Variants in SLC35G2 observed in about 807,000 individuals in gnomAD.
SLC35G2 encodes solute carrier family 35 member G2, also known as transmembrane protein 22.
Under a neutral mutation model 27.2 loss-of-function variants are expected in SLC35G2, and 20 were observed. The observed-to-expected ratio is 0.74, with a 90% CI of 0.52 to 1.07. The LOEUF (loss-of-function observed/expected upper bound fraction) is 1.07. SLC35G2 is among the 50% of genes least tolerant of loss of function. The pLI is 0.00. For missense variants in SLC35G2, 416 were observed against 493.3 expected (o/e 0.84, Z 1.48); for synonymous variants, 148 against 165.3 (o/e 0.90, Z 0.80).
In SLC35G2 at chr3:136,855,163, C is replaced by G. The variant is rs1381576701; in HGVS notation, c.703C>G (p.Leu235Val). 1 of 1,614,000 alleles carries G rather than the reference C, an allele frequency of 6.2e-7. No individual in the cohort carries two copies. The highest frequency in any genetic ancestry group is 8.5e-7 in the Non-Finnish European group (1 of 1,180,030). ...TVVCSILGVCLVMIPNIVDED... is the reference protein window; with the variant it reads ...TVVCSILGVCVVMIPNIVDED... The stretch of plus-strand genomic sequence containing the variant: ...TGTTTGCAGCATCTTAGGTGTTTGT[C>G]TTGTCATGATCCCAAACATTGTTGA... Residue 235 changes from leucine (L) to valine (V), a missense_variant, in exon 2 of 2, where the codon CTT (leucine) becomes GTT (valine). Transcript: ENST00000446465.
intron 1 of SLC35G2, among the ~76,000 whole-genome samples, chr3:136,844,412 C>T (rs1937260121): frequency 6.6e-6 from 1 of 151,278 alleles, no homozygotes; most frequent in Non-Finnish European, 1.5e-5. Context: ...TTGCTTGAAC[C>T]TGGGAGGCAG....
chr3:136,835,255 C>G (rs1211963100), intron 1 of SLC35G2, among the ~76,000 whole-genome samples: 1 of 150,840 alleles, frequency 6.6e-6, no homozygotes, highest in African/African-American at 2.4e-5. Context: ...GACATTTCCT[C>G]AATCCTTCCT....
At chr3:136,845,075 C>T (rs1937311890) in intron 1 of SLC35G2, among the ~76,000 whole-genome samples, 1 of 151,930 alleles carries the variant, frequency 6.6e-6, no homozygotes, top group Admixed American at 6.6e-5. Flanking sequence ...GAAATGTTTA[C>T]AATGTATTGT....
rs573621896 is a variant in SLC35G2 at position 136,849,964 on chromosome 3, A to G, written c.-18-4479A>G. ...TACCAAAAAAATACAAAAATTAGCC[A>G]GGCGTAGTGGCACATGCCTATGATC... On this transcript the variant is annotated intron_variant, in intron 1 of 1. Transcript: ENST00000446465. Among the ~76,000 whole-genome samples, 639 of 152,148 alleles carry G rather than the reference A, an allele frequency of 4.2e-3. 3 individuals are homozygous for G. Among genetic ancestry groups the G allele is most frequent in the Non-Finnish European group, 5.6e-3 (380 of 67,968 alleles).
chr3:136,824,074 G>C (rs893847634), intron 1 of SLC35G2, among the ~76,000 whole-genome samples: 1 of 152,184 alleles, frequency 6.6e-6, no homozygotes, highest in Non-Finnish European at 1.5e-5. Flanking sequence ...TGTGTCATGG[G>C]TCTATGTATC....
chr3:136,841,076 G>A (rs1006468912), intron 1 of SLC35G2, among the ~76,000 whole-genome samples: 1 of 151,430 alleles, frequency 6.6e-6, no homozygotes, highest in South Asian at 2.1e-4. Flanking sequence ...TGATCTGCCC[G>A]CTTCAGCCTC....
intron 1 of SLC35G2, among the ~76,000 whole-genome samples, chr3:136,853,674 C>A (rs1937793319): frequency 6.6e-6 from 1 of 152,116 alleles, no homozygotes; most frequent in Admixed American, 6.5e-5. Flanking sequence ...TATATAATTT[C>A]TTTGTTATGT....
intron 1 of SLC35G2, among the ~76,000 whole-genome samples, chr3:136,827,995 T>C (rs146930983): frequency 2.0e-5 from 3 of 152,126 alleles, no homozygotes; most frequent in African/African-American, 7.2e-5. Flanking sequence ...CCCAGCTAAT[T>C]TTTGCATTTT....
At chr3:136,854,160 A>G (rs1937832085) in intron 1 of SLC35G2, among the ~76,000 whole-genome samples, 1 of 152,194 alleles carries the variant, frequency 6.6e-6, no homozygotes, top group Non-Finnish European at 1.5e-5. Flanking sequence ...GAAAAGATGG[A>G]AAAATCCGTT....
intron 1 of SLC35G2, among the ~76,000 whole-genome samples, chr3:136,829,003 A>G (rs9821557): frequency 0.68 from 103,250 of 151,992 alleles, 35,364 homozygotes; most frequent in East Asian, 0.87. Context: ...AAAAAAGAAA[A>G]CTAATAAAAA....
At chr3:136,830,638 C>T (rs550193882) in intron 1 of SLC35G2, among the ~76,000 whole-genome samples, 95 of 151,188 alleles carry the variant, frequency 6.3e-4, no homozygotes, top group African/African-American at 2.1e-3. Context: ...AGGATGGTCT[C>T]GATCTGACCT....
chr3:136,842,583 T>A (rs9849767), intron 1 of SLC35G2: 103,517 of 152,110 alleles, frequency 0.68, 35,511 homozygotes, highest in East Asian at 0.87. Context: ...GTGGCAAAGA[T>A]AACTGTGAGA....
intron 1 of SLC35G2, among the ~76,000 whole-genome samples, chr3:136,845,413 T>C (rs969909195): frequency 6.6e-6 from 1 of 152,124 alleles, no homozygotes; most frequent in African/African-American, 2.4e-5. Context: ...CTTACTTGAC[T>C]GGGCCAAAAT....
chr3:136,853,255 C>A (rs1323234344), intron 1 of SLC35G2, among the ~76,000 whole-genome samples: 1 of 152,034 alleles, frequency 6.6e-6, no homozygotes, highest in African/African-American at 2.4e-5. Flanking sequence ...ACCACCAGGC[C>A]CGGCTAAATT....
intron 1 of SLC35G2, among the ~76,000 whole-genome samples, chr3:136,850,858 G>A (rs1376434478): frequency 6.6e-6 from 1 of 152,130 alleles, no homozygotes; most frequent in Admixed American, 6.5e-5. Flanking sequence ...GCCAGGAGGG[G>A]TGGTGTACAA....
chr3:136,832,262 C>T (rs188558372), intron 1 of SLC35G2, among the ~76,000 whole-genome samples: 114 of 152,324 alleles, frequency 7.5e-4, no homozygotes, highest in African/African-American at 2.5e-3. Flanking sequence ...GATCCACCTG[C>T]CTTGGCCTCC....
intron 1 of SLC35G2, among the ~76,000 whole-genome samples, chr3:136,825,911 T>C (rs1936571936): frequency 6.6e-6 from 1 of 152,208 alleles, no homozygotes; most frequent in Non-Finnish European, 1.5e-5. Flanking sequence ...AATACTGGCC[T>C]CATAGAGTGA....
chr3:136,851,242 C>A (rs891949953), intron 1 of SLC35G2, among the ~76,000 whole-genome samples: 6 of 151,738 alleles, frequency 4.0e-5, no homozygotes, highest in Admixed American at 2.0e-4. Flanking sequence ...CGCCTGTAAT[C>A]CCAGCACTTT....
At chr3:136,847,149 C>G (rs1201418278) in intron 1 of SLC35G2, among the ~76,000 whole-genome samples, 1 of 151,966 alleles carries the variant, frequency 6.6e-6, no homozygotes, top group African/African-American at 2.4e-5. Flanking sequence ...TACATTCTAG[C>G]CTGGGCGACA....
Sources: allele counts gnomAD v4.1 joint callset (sites outside exome capture counted in the v4.1 genomes callset), GRCh38; gene constraint gnomAD v4.1.1; transcripts MANE v1.5; gene names NCBI Gene and HGNC (gene_info 2026-07-23, HGNC 2026-07-21).